Variants in RAB39A observed in about 807,000 individuals in gnomAD.
The protein encoded by RAB39A is RAB39A, member RAS oncogene family, also known as ras-related protein Rab-39A.
In RAB39A, 17 loss-of-function variants were observed where a neutral mutation model predicts 20.9. That is an observed-to-expected ratio of 0.81 (90% CI 0.56 to 1.22). RAB39A has a LOEUF of 1.22. Ranked by LOEUF, RAB39A falls within the 50% of genes most tolerant of loss-of-function variation. The pLI is 0.00. For missense variants in RAB39A, 234 were observed against 270.5 expected, an observed-to-expected ratio of 0.87 and a Z score of 0.95; for synonymous variants, 99 against 103.4, an observed-to-expected ratio of 0.96 and a Z score of 0.26.
chr11:107,945,008 C>T (rs746541987), intron 1 of RAB39A, among the ~76,000 whole-genome samples: 9 of 151,286 alleles, frequency 5.9e-5, no homozygotes, highest in East Asian at 2.0e-4. Context: ...GATGGTGAAA[C>T]GCCATCTCTA....
chr11:107,943,842 C>T (rs1056585549), intron 1 of RAB39A, among the ~76,000 whole-genome samples: 1 of 152,092 alleles, frequency 6.6e-6, no homozygotes, highest in South Asian at 2.1e-4. Flanking sequence ...TGCCTGTAAT[C>T]CCAGCCCTTT....
chr11:107,939,118 C>T (rs1195598054), intron 1 of RAB39A, among the ~76,000 whole-genome samples: 1 of 151,858 alleles, frequency 6.6e-6, no homozygotes, highest in African/African-American at 2.4e-5. Context: ...GTGGCATCCA[C>T]CTGTAATCCC....
At chr11:107,937,382 C>T (rs1441867809) in intron 1 of RAB39A, among the ~76,000 whole-genome samples, 2 of 152,100 alleles carry the variant, frequency 1.3e-5, no homozygotes, top group Non-Finnish European at 2.9e-5. Flanking sequence ...TCAAGTGATC[C>T]TCCCTCCTTG....
In RAB39A at chr11:107,939,559, G is replaced by A. The variant is rs183419100; in HGVS notation, c.227+10764G>A. ...CGGGAGGCAAAGCTTGCAGAGAGCC[G>A]AGATCATGCCACTGCACTCCAGCCT... is the stretch of plus-strand genomic sequence containing the variant. On this transcript the variant is annotated intron_variant, in intron 1 of 1. Transcript: ENST00000320578. Among the ~76,000 whole-genome samples, 74 of 149,196 alleles carry A rather than the reference G, an allele frequency of 5.0e-4. 2 individuals are homozygous for A. In the East Asian group the frequency reaches 9.4e-3, roughly 19 times the overall value.
At chr11:107,947,807 C>CAAAAAAAAAAAA (rs35694249) in intron 1 of RAB39A, among the ~76,000 whole-genome samples, 111 of 80,138 alleles carry the variant, frequency 1.4e-3, no homozygotes, top group Middle Eastern at 0.015. Context: ...CATCAACAGG[C>CAAAAAAAAAAAA]AAAAAAAAAA....
At chr11:107,937,133 C>CA (rs1861202265) in intron 1 of RAB39A, among the ~76,000 whole-genome samples, 1 of 151,982 alleles carries the variant, frequency 6.6e-6, no homozygotes, top group South Asian at 2.1e-4. Context: ...TAGCCAAATT[C>CA]ATTTATTTAT....
At chr11:107,954,637 T>G (rs1355762449) in intron 1 of RAB39A, among the ~76,000 whole-genome samples, 1 of 152,220 alleles carries the variant, frequency 6.6e-6, no homozygotes, top group African/African-American at 2.4e-5. Flanking sequence ...GCCAGCATAT[T>G]GTTTAGAGCC....
At chr11:107,951,851 C>T (rs917620503) in intron 1 of RAB39A, among the ~76,000 whole-genome samples, 6 of 152,008 alleles carry the variant, frequency 3.9e-5, no homozygotes, top group Non-Finnish European at 2.9e-5. Context: ...ACAACAGCAT[C>T]TTATCTTCAG....
In RAB39A at chr11:107,959,501, C is replaced by CT. The variant is rs569593577; in HGVS notation, c.228-2438dup. The stretch of plus-strand genomic sequence containing the variant: ...ATTTTTCTTATTGTCAATTTCTTTT[C>CT]TTTTTTTATTTTTAGAATCTAAGCA... On this transcript the variant is annotated intron_variant, in intron 1 of 1. Transcript: ENST00000320578. Among the ~76,000 whole-genome samples the CT allele has an allele frequency of 1.2e-3, 186 of 152,250 alleles. 4 individuals carry two copies. The East Asian group carries it at 0.014, about 12-fold the overall frequency.
At chr11:107,960,572 G>A (rs1350830533) in intron 1 of RAB39A, among the ~76,000 whole-genome samples, 1 of 152,148 alleles carries the variant, frequency 6.6e-6, no homozygotes, top group Non-Finnish European at 1.5e-5. Flanking sequence ...GAAACAGATG[G>A]CACAATTGTA....
Position 107,957,890 on chromosome 11 carries a change from CT to C in RAB39A, c.228-4046del, listed in dbSNP as rs201707604. 5.9e-4 allele frequency among the ~76,000 whole-genome samples: 89 copies of C among 149,672 alleles called. 1 individual carries two copies. The South Asian group carries it at 0.013, about 23-fold the overall frequency. ...TAAATCATCCATTAATTCAGGGAGA[CT>C]TTTTTTTTTCTTTCTTTTTTTTGAG... On this transcript the variant is annotated intron_variant, in intron 1 of 1. Coordinates refer to ENST00000320578, the MANE Select transcript of RAB39A (RefSeq NM_017516.3).
chr11:107,951,450 G>T (rs1861377935), intron 1 of RAB39A, among the ~76,000 whole-genome samples: 2 of 152,210 alleles, frequency 1.3e-5, no homozygotes, highest in South Asian at 4.2e-4. Context: ...TTTACAGTTG[G>T]CAAAGCCACA....
At chr11:107,939,288 C>T (rs1861235082) in intron 1 of RAB39A, among the ~76,000 whole-genome samples, 1 of 146,736 alleles carries the variant, frequency 6.8e-6, no homozygotes, top group South Asian at 2.2e-4. Context: ...GTTGAACAAC[C>T]AAGACACACA....
intron 1 of RAB39A, among the ~76,000 whole-genome samples, chr11:107,947,482 G>A (rs886873733): frequency 7.9e-5 from 12 of 152,006 alleles, no homozygotes; most frequent in African/African-American, 2.4e-4. Flanking sequence ...ATTCCAGAAA[G>A]ATAGAAGAGA....
intron 1 of RAB39A, among the ~76,000 whole-genome samples, chr11:107,942,857 A>G (rs1861273529): frequency 6.6e-6 from 1 of 152,150 alleles, no homozygotes; most frequent in African/African-American, 2.4e-5. Flanking sequence ...TCTGTCCTGA[A>G]AAGTATTTTG....
intron 1 of RAB39A, among the ~76,000 whole-genome samples, chr11:107,933,380 T>TC (rs1168464031): frequency 1.1e-4 from 14 of 122,646 alleles, no homozygotes; most frequent in East Asian, 4.3e-4. Context: ...ATTCTTTCTT[T>TC]TTTTTTTTTT....
chr11:107,958,530 G>GA (rs1200139203), intron 1 of RAB39A, among the ~76,000 whole-genome samples: 1 of 152,112 alleles, frequency 6.6e-6, no homozygotes, highest in African/African-American at 2.4e-5. Flanking sequence ...ATTGTTTTAG[G>GA]AAAAACACTA....
At chr11:107,958,324 G>A (rs1465001646) in intron 1 of RAB39A, among the ~76,000 whole-genome samples, 1 of 152,176 alleles carries the variant, frequency 6.6e-6, no homozygotes, top group Non-Finnish European at 1.5e-5. Flanking sequence ...CCTACCTAGT[G>A]CTTTTAGAGT....
At chr11:107,930,809 T>A (rs2134945418) in intron 1 of RAB39A, among the ~76,000 whole-genome samples, 1 of 151,678 alleles carries the variant, frequency 6.6e-6, no homozygotes, top group East Asian at 2.0e-4. Context: ...TGAGCCAAGA[T>A]CACGCCACTG....
Sources: allele counts gnomAD v4.1 joint callset (sites outside exome capture counted in the v4.1 genomes callset), GRCh38; gene constraint gnomAD v4.1.1; transcripts MANE v1.5; gene names NCBI Gene and HGNC (gene_info 2026-07-23, HGNC 2026-07-21).